The following CNR2 variants were observed in gnomAD, a reference collection of about 807,000 sequenced individuals.
The protein encoded by CNR2 is cannabinoid receptor 2.
For missense variants in CNR2, 379 were observed against 439.9 expected (o/e 0.86, Z 1.24); for synonymous variants, 172 against 182.2 (o/e 0.94, Z 0.45).
At chr1:23,905,146 G>A (rs1278268893) in intron 1 of CNR2, among the ~76,000 whole-genome samples, 2 of 151,798 alleles carry the variant, frequency 1.3e-5, no homozygotes, top group South Asian at 2.1e-4. Context: ...TATACCGTGT[G>A]TCAGGCACTA....
At chr1:23,899,493 T>C (rs1264694609) in intron 1 of CNR2, among the ~76,000 whole-genome samples, 1 of 151,912 alleles carries the variant, frequency 6.6e-6, no homozygotes, top group Non-Finnish European at 1.5e-5. Flanking sequence ...ATTGCCTTTG[T>C]AGGACTAATA....
At chr1:23,879,197 G>C (rs1035294196) in intron 1 of CNR2, among the ~76,000 whole-genome samples, 1 of 152,170 alleles carries the variant, frequency 6.6e-6, no homozygotes, top group Non-Finnish European at 1.5e-5. Context: ...AGGAGACTGA[G>C]GCAGGAGAAT....
chr1:23,912,273 G>C (rs1283485205), intron 1 of CNR2, among the ~76,000 whole-genome samples: 1 of 152,170 alleles, frequency 6.6e-6, no homozygotes, highest in Non-Finnish European at 1.5e-5. Context: ...CCTCCGCTGA[G>C]TGGAACTTAC....
rs1039459115 is a variant in CNR2 at position 23,873,130 on chromosome 1, A to T, written c.*1405T>A. 2.0e-5 allele frequency: 3 copies of T among 152,246 alleles called. No homozygotes were observed. The highest frequency in any genetic ancestry group is 7.2e-5 in the African/African-American group (3 of 41,468). The allele number at this position is 152,246 out of a possible 1,614,324, so 9.4% of individuals were successfully genotyped here. A position where few individuals can be genotyped will look rare whatever the true frequency, so the allele number is the denominator to read the frequency against. ...TGAGGTCCCAAATAATTGCATTAGA[A>T]TTCCTCTGCAATCTTCCTGCCGCCA... On this transcript the variant is annotated 3_prime_UTR_variant, in exon 2 of 2. Transcript: ENST00000374472.
At chr1:23,877,528 A>G (rs1053110447) in intron 1 of CNR2, among the ~76,000 whole-genome samples, 13 of 152,090 alleles carry the variant, frequency 8.5e-5, no homozygotes, top group Non-Finnish European at 1.6e-4. Context: ...TCAGCTACTC[A>G]GGAGGCTGAG....
intron 1 of CNR2, among the ~76,000 whole-genome samples, chr1:23,912,363 C>T (rs866224857): frequency 8.5e-5 from 13 of 152,308 alleles, no homozygotes; most frequent in South Asian, 2.1e-4. Flanking sequence ...AAAATGAGAG[C>T]GCAGGACTCA....
intron 1 of CNR2, among the ~76,000 whole-genome samples, chr1:23,896,267 T>C (rs751200392): frequency 6.6e-6 from 1 of 152,232 alleles, no homozygotes; most frequent in Non-Finnish European, 1.5e-5. Context: ...TGGAGTCAGA[T>C]AGCACTGAGT....
At chr1:23,902,505 A>G in intron 1 of CNR2, 1 of 1,607,802 alleles carries the variant, frequency 6.2e-7, no homozygotes, top group Non-Finnish European at 8.5e-7. Context: ...ATCACTGTAC[A>G]CGTACTTTAA....
chr1:23,889,172 T>G (rs6424125), intron 1 of CNR2, among the ~76,000 whole-genome samples: 127,303 of 152,042 alleles, frequency 0.84, 53,435 homozygotes, highest in Non-Finnish European at 0.85. Flanking sequence ...ACTTGGGACC[T>G]GAGAACCTGC....
At chr1:23,877,531 A>T (rs1444934994) in intron 1 of CNR2, among the ~76,000 whole-genome samples, 4 of 152,144 alleles carry the variant, frequency 2.6e-5, no homozygotes, top group African/African-American at 7.2e-5. Flanking sequence ...GCTACTCAGG[A>T]GGCTGAGGCA....
chr1:23,877,855 G>A (rs924175769), intron 1 of CNR2, among the ~76,000 whole-genome samples: 5 of 152,012 alleles, frequency 3.3e-5, no homozygotes, highest in African/African-American at 1.2e-4. Context: ...CAGCTACTCA[G>A]GAGGCTGAGG....
rs567015565 is a variant in CNR2 at position 23,870,883 on chromosome 1, T to C, written c.*3652A>G. 2 of 152,394 alleles carry C rather than the reference T, an allele frequency of 1.3e-5. No individual in the cohort carries two copies. Among genetic ancestry groups the C allele is most frequent in the Non-Finnish European group, 2.9e-5 (2 of 68,124 alleles). The allele number at this position is 152,394 out of a possible 1,614,324, so 9.4% of individuals were successfully genotyped here. ...AAGCAGACATAGGGGCTGGGAGTGG[T>C]GGCTCACACCTGTAATCCTAGCACT... On this transcript the variant is annotated 3_prime_UTR_variant, in exon 2 of 2. Coordinates refer to ENST00000374472, the MANE Select transcript of CNR2 (RefSeq NM_001841.3).
chr1:23,899,277 T>C (rs1156346409), intron 1 of CNR2, among the ~76,000 whole-genome samples: 5 of 152,150 alleles, frequency 3.3e-5, no homozygotes, highest in African/African-American at 1.2e-4. Context: ...CCACAGAAGT[T>C]GGGCAGCCTA....
intron 1 of CNR2, among the ~76,000 whole-genome samples, chr1:23,897,369 T>G (rs2502974): frequency 0.82 from 124,266 of 152,042 alleles, 50,934 homozygotes; most frequent in Admixed American, 0.84. Flanking sequence ...AAAAGTTACC[T>G]TGGCAATAAA....
intron 1 of CNR2, among the ~76,000 whole-genome samples, chr1:23,902,963 C>A (rs1187914344): frequency 6.6e-6 from 1 of 151,570 alleles, no homozygotes; most frequent in Non-Finnish European, 1.5e-5. Flanking sequence ...TGTGGACCCC[C>A]GCCCCGCGCC....
intron 1 of CNR2, among the ~76,000 whole-genome samples, chr1:23,890,801 GC>G (rs1640177573): frequency 6.7e-6 from 1 of 150,078 alleles, no homozygotes; most frequent in African/African-American, 2.4e-5. Flanking sequence ...TGCCCAGCTG[GC>G]TGGGCCCCTG....
intron 1 of CNR2, among the ~76,000 whole-genome samples, chr1:23,896,711 A>G (rs1182782736): frequency 6.6e-6 from 1 of 152,138 alleles, no homozygotes; most frequent in African/African-American, 2.4e-5. Flanking sequence ...GAGATGAAAG[A>G]ACAGGAAGCT....
rs1432056739 is a variant in CNR2 at position 23,873,560 on chromosome 1, C to G, written c.*975G>C. On this transcript the variant is annotated 3_prime_UTR_variant, in exon 2 of 2. Transcript: ENST00000374472. ...CCCTGAGATCTTTAAAATCATGGAG[C>G]TATATTCTAGCTGGGGTCAATAGAC... 1 of 152,016 alleles carries G rather than the reference C, an allele frequency of 6.6e-6. No homozygotes were observed. Among genetic ancestry groups the G allele is most frequent in the African/African-American group, 2.4e-5 (1 of 41,394 alleles). 9.4% of individuals were successfully genotyped at this position (152,016 alleles called of 1,614,324 possible).
At position 23,871,680 on chromosome 1, in the gene CNR2, TGA is replaced by T. The variant is rs1294183747; in HGVS notation, c.*2853_*2854del. The T allele has an allele frequency of 6.6e-6, 1 of 152,254 alleles. No homozygotes were observed. Among genetic ancestry groups the T allele is most frequent in the East Asian group, 1.9e-4 (1 of 5,198 alleles). The allele number at this position is 152,254 out of a possible 1,614,324, so 9.4% of individuals were successfully genotyped here. ...GTGGACTTTGTTCCTGGGTCTGTAC[TGA>T]GTTGAATAGTGTCCGCCTAAACTTC... On this transcript the variant is annotated 3_prime_UTR_variant, in exon 2 of 2. Transcript: ENST00000374472.
Sources: allele counts gnomAD v4.1 joint callset (sites outside exome capture counted in the v4.1 genomes callset), GRCh38; gene constraint gnomAD v4.1.1; transcripts MANE v1.5; gene names NCBI Gene and HGNC (gene_info 2026-07-23, HGNC 2026-07-21).